The following SLC24A3 variants were observed in gnomAD, a reference collection of about 807,000 sequenced individuals.
The protein encoded by SLC24A3 is solute carrier family 24 member 3, also known as sodium/potassium/calcium exchanger 3.
Under a neutral mutation model 75.8 loss-of-function variants are expected in SLC24A3, and 28 were observed. That is an observed-to-expected ratio of 0.37 (90% confidence interval 0.27 to 0.51). The LOEUF is 0.51. Among genes scored for constraint, SLC24A3 ranks in the 20% least tolerant of loss-of-function variants. SLC24A3 has a pLI of 0.94. For synonymous variants in SLC24A3, 372 were observed against 334.1 expected (o/e 1.11, Z -1.24); for missense variants, 663 against 847.8 (o/e 0.78, Z 2.71).
intron 2 of SLC24A3, among the ~76,000 whole-genome samples, chr20:19,396,756 T>G (rs916660443): frequency 6.6e-6 from 1 of 152,214 alleles, no homozygotes; most frequent in Non-Finnish European, 1.5e-5. Flanking sequence ...ACTGACACTT[T>G]CATTTGCCAG....
At chr20:19,414,440 C>T in intron 2 of SLC24A3, among the ~76,000 whole-genome samples, 1 of 152,272 alleles carries the variant, frequency 6.6e-6, no homozygotes, top group East Asian at 1.9e-4. Context: ...ATGAATATGG[C>T]TTATCCATTC....
At chr20:19,508,639 C>T (rs903416452) in intron 2 of SLC24A3, among the ~76,000 whole-genome samples, 10 of 152,218 alleles carry the variant, frequency 6.6e-5, no homozygotes, top group African/African-American at 4.8e-5. Context: ...GGGGAATCCA[C>T]TCCACTCAGG....
intron 2 of SLC24A3, among the ~76,000 whole-genome samples, chr20:19,447,317 C>T (rs74809638): frequency 0.011 from 1,656 of 152,160 alleles, 30 homozygotes; most frequent in African/African-American, 0.038. Flanking sequence ...TGGTGAGGGA[C>T]GGGCGTGGTG....
intron 1 of SLC24A3, among the ~76,000 whole-genome samples, chr20:19,232,455 A>G (rs1982050806): frequency 6.6e-6 from 1 of 152,222 alleles, no homozygotes; most frequent in African/African-American, 2.4e-5. Flanking sequence ...GAATTTTTTA[A>G]TAATTATCTC....
In SLC24A3 at chr20:19,721,037, G is replaced by C. The variant is rs761750270; in HGVS notation, c.1832G>C (p.Gly611Ala). 4 of 1,613,954 alleles carry C rather than the reference G, an allele frequency of 2.5e-6. No homozygotes were observed. The African/African-American group carries it at 4.0e-5, about 16-fold the overall frequency. The change falls in exon 17 of 17, where the codon GGC (glycine) becomes GCC (alanine). Residue 611 changes from glycine to alanine, a missense_variant. Physicochemically the swap from Gly to Ala is moderately conservative, Grantham distance 60. This residue lies in a region of SLC24A3 where 510 missense variants were observed against 703.6 expected (regional missense o/e 0.72). Coordinates refer to ENST00000328041, the MANE Select transcript of SLC24A3 (RefSeq NM_020689.4). The stretch of plus-strand genomic sequence containing the variant: ...AAGTGGCAGCTGGACAAGAAGCTGG[G>C]CTGTGGGTGCCTCCTCCTGTATGGT... ...LNKWQLDKKL[G>A]CGCLLLYGVF...
In SLC24A3 at chr20:19,280,636, A is replaced by G. The variant is rs146627790; in HGVS notation, c.143-323A>G. Reference sequence around the variant, plus strand: ...CCCCTTCGAGATTTGGTTGTTAAACATTTCTCAGCATGTCACTGGGAGCAG... The same window carrying G: ...CCCCTTCGAGATTTGGTTGTTAAACGTTTCTCAGCATGTCACTGGGAGCAG... On this transcript the variant is annotated intron_variant, in intron 1 of 16. Coordinates refer to ENST00000328041, the MANE Select transcript of SLC24A3 (RefSeq NM_020689.4). 2.4e-3 allele frequency among the ~76,000 whole-genome samples: 366 copies of G among 152,330 alleles called. 3 individuals are homozygous for G. Among genetic ancestry groups the G allele is most frequent in the African/African-American group, 8.6e-3 (358 of 41,576 alleles).
intron 3 of SLC24A3, among the ~76,000 whole-genome samples, chr20:19,528,202 C>G (rs376166004): frequency 6.6e-6 from 1 of 152,150 alleles, no homozygotes; most frequent in Non-Finnish European, 1.5e-5. Context: ...ACTCAAGGGC[C>G]CCAAAGATAA....
chr20:19,634,015 CAT>C (rs951577925), intron 6 of SLC24A3, among the ~76,000 whole-genome samples: 38 of 152,240 alleles, frequency 2.5e-4, no homozygotes, highest in African/African-American at 7.5e-4. Flanking sequence ...AAATAGTTCA[CAT>C]GTTTATAAGA....
intron 1 of SLC24A3, among the ~76,000 whole-genome samples, chr20:19,238,078 A>G (rs1433947903): frequency 6.6e-6 from 1 of 152,274 alleles, no homozygotes; most frequent in East Asian, 1.9e-4. Context: ...AAGTGTATAT[A>G]GCTTGATGAA....
At chr20:19,273,381 C>G (rs533922492) in intron 1 of SLC24A3, among the ~76,000 whole-genome samples, 1 of 152,338 alleles carries the variant, frequency 6.6e-6, no homozygotes, top group South Asian at 2.1e-4. Context: ...CACAGCCTCA[C>G]ATCAGAGCCC....
At position 19,231,379 on chromosome 20, in the gene SLC24A3, G is replaced by A. The variant is rs551555300; in HGVS notation, c.142+18395G>A. ...CTGATGGAATTCAGGTTGCAAGTTA[G>A]CTGACCTTGGAATAGTGAGATGATC... On this transcript the variant is annotated intron_variant, in intron 1 of 16. Transcript: ENST00000328041. 2.0e-5 allele frequency among the ~76,000 whole-genome samples: 3 copies of A among 152,332 alleles called. 1 individual carries two copies. In the East Asian group the frequency reaches 5.8e-4, roughly 29 times the overall value.
intron 2 of SLC24A3, among the ~76,000 whole-genome samples, chr20:19,376,203 T>G (rs1322409854): frequency 6.6e-6 from 1 of 152,186 alleles, no homozygotes; most frequent in East Asian, 1.9e-4. Context: ...AATTAATGCT[T>G]CCTATACTTT....
At chr20:19,694,339 A>T (rs2032780393) in intron 13 of SLC24A3, 2 of 152,258 alleles carry the variant, frequency 1.3e-5, no homozygotes, top group Non-Finnish European at 2.9e-5. Flanking sequence ...GAAATGTAAT[A>T]TAAATTCTGG....
chr20:19,272,964 T>TGGAGGAAGGGCTTCCC (rs1381813725), intron 1 of SLC24A3, among the ~76,000 whole-genome samples: 2 of 152,156 alleles, frequency 1.3e-5, no homozygotes, highest in Non-Finnish European at 2.9e-5. Flanking sequence ...GAAGGCTTCC[T>TGGAGGAAGGGCTTCCC]GGAGGAAGGG....
chr20:19,680,162 CTG>C (rs1377982134), intron 9 of SLC24A3, among the ~76,000 whole-genome samples: 10 of 142,934 alleles, frequency 7.0e-5, no homozygotes, highest in Admixed American at 5.8e-4. Flanking sequence ...CTGTGTGTGT[CTG>C]TGTGTCTCTG....
intron 3 of SLC24A3, among the ~76,000 whole-genome samples, chr20:19,557,061 C>G (rs1320124849): frequency 2.0e-5 from 3 of 152,132 alleles, no homozygotes; most frequent in Non-Finnish European, 4.4e-5. Flanking sequence ...CAGTGAGGCT[C>G]AGGTTCCTGC....
intron 15 of SLC24A3, among the ~76,000 whole-genome samples, chr20:19,710,334 A>G (rs1378787867): frequency 6.6e-6 from 1 of 152,236 alleles, no homozygotes; most frequent in East Asian, 1.9e-4. Context: ...AGCAGCAAGT[A>G]TGCATGAAAC....
chr20:19,503,028 GAAAA>G (rs11476234), intron 2 of SLC24A3, among the ~76,000 whole-genome samples: 1 of 109,572 alleles, frequency 9.1e-6, no homozygotes. Context: ...CCTTGTCTCA[GAAAA>G]AAAAAAAAAA....
chr20:19,421,419 A>G (rs575492043), intron 2 of SLC24A3, among the ~76,000 whole-genome samples: 1 of 151,770 alleles, frequency 6.6e-6, no homozygotes, highest in Non-Finnish European at 1.5e-5. Context: ...GAAGACATTT[A>G]TGCAGCCAAA....
Sources: gnomAD v4.1 joint callset for allele counts (sites outside exome capture counted in the v4.1 genomes callset) on GRCh38, gnomAD v4.1.1 for gene constraint, gnomAD v4.1.1 regional missense constraint, MANE v1.5 for transcripts, NCBI Gene and HGNC (gene_info 2026-07-23, HGNC 2026-07-21) for gene names.